MTMR4: variants seen among roughly 807,000 people sequenced by gnomAD.
The protein encoded by MTMR4 is phosphatidylinositol-3,5-bisphosphate 3-phosphatase MTMR4.
MTMR4 carries 30 observed loss-of-function variants against 125.5 expected under a neutral mutation model. The observed-to-expected ratio is 0.24, with a 90% CI of 0.18 to 0.32. MTMR4 has a LOEUF of 0.32. Among genes scored for constraint, MTMR4 ranks in the 10% least tolerant of loss-of-function variants. The pLI, the probability that MTMR4 is intolerant of heterozygous loss-of-function variation, is 1.00. For missense variants in MTMR4, 1,039 were observed against 1,511.5 expected, an observed-to-expected ratio of 0.69 and a Z score of 5.18; for synonymous variants, 498 against 564.5, an observed-to-expected ratio of 0.88 and a Z score of 1.67.
Position 58,508,296 on chromosome 17 carries a change from G to A in MTMR4, c.594-22C>T. The A allele has an allele frequency of 1.2e-6, 2 of 1,602,134 alleles. 1 individual carries two copies. Among genetic ancestry groups the A allele is most frequent in the Admixed American group, 3.3e-5 (2 of 60,010 alleles). On this transcript the variant is annotated intron_variant, in intron 6 of 17. Coordinates refer to ENST00000682306, the MANE Select transcript of MTMR4 (RefSeq NM_001378067.1). This position sits in a 1 kb window ranked among gnomAD's most constrained non-coding sequence, Gnocchi z 4.8. ...CAATCTGAGAAGAGACCAGGTGGGG[G>A]TCACTGCACTGGGTCTAAAACATGT...
chr17:58,515,778 T>C (rs556030742), upstream of MTMR4, among the ~76,000 whole-genome samples: 17 of 152,250 alleles, frequency 1.1e-4, no homozygotes, highest in Non-Finnish European at 2.2e-4. Flanking sequence ...CACATGTCTA[T>C]GGAAGGAAGG....
Position 58,495,220 on chromosome 17 carries a change from G to T in MTMR4, c.2964C>A (p.Gly988=). The change falls in exon 15 of 18, where the codon GGC becomes GGA. Residue 988 remains glycine, a synonymous_variant. Transcript: ENST00000682306. ...CSSHSNGHCT[G]PGGKNQMWLS... Reference sequence around the variant, plus strand: ...ACCACATCTGGTTCTTTCCTCCTGGGCCAGTACAATGTCCATTGGAATGAC... The same window carrying T: ...ACCACATCTGGTTCTTTCCTCCTGGTCCAGTACAATGTCCATTGGAATGAC... The T allele has an allele frequency of 1.9e-6, 3 of 1,614,172 alleles. No individual in the cohort carries two copies. The highest frequency in any genetic ancestry group is 2.5e-6 in the Non-Finnish European group (3 of 1,180,038).
At chr17:58,500,486 G>A (rs543289382) in intron 14 of MTMR4, among the ~76,000 whole-genome samples, 3 of 151,998 alleles carry the variant, frequency 2.0e-5, no homozygotes, top group East Asian at 1.9e-4. Flanking sequence ...CTAGTTGGCC[G>A]GGTCTGGTAA....
chr17:58,494,387 C>G (rs1319057745), intron 15 of MTMR4, among the ~76,000 whole-genome samples: 4 of 150,942 alleles, frequency 2.7e-5, no homozygotes, highest in Non-Finnish European at 5.9e-5. Context: ...CAACTCTGAT[C>G]ATATTGTGCA....
intron 16 of MTMR4, 117 bp from the exon 17 acceptor site, chr17:58,492,716 C>T: frequency 7.5e-7 from 1 of 1,335,646 alleles, no homozygotes; most frequent in South Asian, 1.2e-5. Flanking sequence ...TAACTGGCTA[C>T]CATTTGCCTA....
At chr17:58,507,875 C>A in intron 7 of MTMR4, 1 of 265,602 alleles carries the variant, frequency 3.8e-6, no homozygotes, top group Non-Finnish European at 7.2e-6. Flanking sequence ...GCCAGTTTGC[C>A]AACCCCTGTA....
chr17:58,505,630 G>C lies in MTMR4; in HGVS notation c.1034-47C>G, dbSNP rs781279572. The C allele has an allele frequency of 8.5e-6, 12 of 1,420,032 alleles. No individual in the cohort carries two copies. In the African/African-American group the frequency reaches 1.7e-4, roughly 20 times the overall value. 88.0% of individuals were successfully genotyped at this position (1,420,032 alleles called of 1,614,324 possible). ...GGGACATAAAAGCACGTCCTAGGCC[G>C]GGCGCGGTGGCTCACACCTGTAATC... On this transcript the variant is annotated intron_variant, in intron 9 of 17. Coordinates refer to ENST00000682306, the MANE Select transcript of MTMR4 (RefSeq NM_001378067.1).
chr17:58,492,420 C>T (rs950493175), intron 17 of MTMR4, 91 bp downstream of exon 17: 5 of 1,106,010 alleles, frequency 4.5e-6, no homozygotes, highest in East Asian at 2.4e-5. Context: ...CCGCCTGCCT[C>T]GGCCTCCCAA....
chr17:58,495,450 T>C lies in MTMR4; in HGVS notation c.2734A>G (p.Ser912Gly), dbSNP rs1325992296. ...TTGGACCCTAGAAAAGAGAACTCAC[T>C]GATCTGGCTCTGAGAAATTGGCTTC... Reference protein sequence around the residue: ...VRKPISQSQISEFSFLGSNWD... With the variant: ...VRKPISQSQIGEFSFLGSNWD... The change falls in exon 15 of 18, where the codon AGT becomes GGT. Residue 912 changes from serine (S) to glycine (G), a missense_variant. Around this residue, in one of 6 missense-constraint regions of MTMR4, gnomAD observed 619 missense variants for 714.5 expected, o/e 0.87. Coordinates refer to ENST00000682306, the MANE Select transcript of MTMR4 (RefSeq NM_001378067.1). The C allele has an allele frequency of 6.2e-7, 1 of 1,614,242 alleles. No homozygotes were observed. Among genetic ancestry groups the C allele is most frequent in the Admixed American group, 1.7e-5 (1 of 60,024 alleles).
chr17:58,503,484 C>T (rs2143887452), intron 14 of MTMR4, among the ~76,000 whole-genome samples: 1 of 152,186 alleles, frequency 6.6e-6, no homozygotes, highest in Admixed American at 6.5e-5. Context: ...CCCATCTCTA[C>T]TAAAAATACA....
At chr17:58,494,825 C>T (rs1975409690) in intron 15 of MTMR4, 107 bp downstream of exon 15, 3 of 1,007,506 alleles carry the variant, frequency 3.0e-6, no homozygotes, top group Non-Finnish European at 2.9e-6. Context: ...AGCCCAGGCA[C>T]CTAACTCAGT....
At position 58,512,822 on chromosome 17, in the gene MTMR4, C is replaced by T; in HGVS notation, c.135+30G>A. ...TGTTTTTTAACTGGGCAGGGAGCCC[C>T]ATCTATCCTGGCCCCCAACTCCTCC... On this transcript the variant is annotated intron_variant, in intron 2 of 17. Coordinates refer to ENST00000682306, the MANE Select transcript of MTMR4 (RefSeq NM_001378067.1). This position sits in a 1 kb window ranked among gnomAD's most constrained non-coding sequence, Gnocchi z 4.1. 6.3e-7 allele frequency: 1 copy of T among 1,575,770 alleles called. No individual in the cohort carries two copies. Among genetic ancestry groups the T allele is most frequent in the Non-Finnish European group, 8.7e-7 (1 of 1,146,194 alleles).
At chr17:58,500,747 CAAAAAAAAAAA>C (rs60355286) in intron 14 of MTMR4, among the ~76,000 whole-genome samples, 2 of 92,180 alleles carry the variant, frequency 2.2e-5, no homozygotes, top group Non-Finnish European at 2.1e-5. Flanking sequence ...GATTCTGTCT[CAAAAAAAAAAA>C]AAAAAAAAAA....
intron 14 of MTMR4, among the ~76,000 whole-genome samples, chr17:58,499,343 T>C (rs1465334997): frequency 6.6e-6 from 1 of 151,858 alleles, no homozygotes; most frequent in Non-Finnish European, 1.5e-5. Context: ...GGTCAGGAGT[T>C]CGAGACCAGC....
chr17:58,513,474 AAAGG>A (rs1438515979), intron 1 of MTMR4, among the ~76,000 whole-genome samples: 2 of 152,164 alleles, frequency 1.3e-5, no homozygotes, highest in African/African-American at 4.8e-5. Flanking sequence ...GACGCTTTCA[AAAGG>A]AAGACGTGTT....
Position 58,491,618 on chromosome 17 carries a change from C to T in MTMR4, c.*45G>A, listed in dbSNP as rs1415193637. On this transcript the variant is annotated 3_prime_UTR_variant, in exon 18 of 18. Transcript: ENST00000682306. ...CTTCCAAACTACAACTGAAGAAGAT[C>T]CTCCCTTCAAACCTGCTAAAATTGG... 3 of 1,571,406 alleles carry T rather than the reference C, an allele frequency of 1.9e-6. No homozygotes were observed. In the South Asian group the frequency reaches 3.4e-5, roughly 18 times the overall value.
chr17:58,498,300 C>T (rs1009763747), intron 14 of MTMR4, among the ~76,000 whole-genome samples: 1 of 151,712 alleles, frequency 6.6e-6, no homozygotes, highest in Non-Finnish European at 1.5e-5. Context: ...ATTCAAATAA[C>T]AACATTCTGC....
chr17:58,516,764 T>C (rs114708796), upstream of MTMR4: 2 of 715,664 alleles, frequency 2.8e-6, no homozygotes, highest in Admixed American at 5.0e-5. Flanking sequence ...CAAGTCACCA[T>C]GCCAGAGAGA....
At chr17:58,502,477 A>G (rs1332199147) in intron 14 of MTMR4, among the ~76,000 whole-genome samples, 1 of 151,740 alleles carries the variant, frequency 6.6e-6, no homozygotes, top group Non-Finnish European at 1.5e-5. Flanking sequence ...CAAATTTTTA[A>G]AAAGCTACAC....
Sources: allele counts gnomAD v4.1 joint callset (sites outside exome capture counted in the v4.1 genomes callset), GRCh38; gene constraint gnomAD v4.1.1; regional missense constraint gnomAD v4.1.1; non-coding constraint Gnocchi (gnomAD v3.1); transcripts MANE v1.5; gene names NCBI Gene and HGNC (gene_info 2026-07-23, HGNC 2026-07-21).